Variants in TLE4 observed in about 807,000 individuals in gnomAD.
The protein encoded by TLE4 is TLE family member 4, transcriptional corepressor.
Under a neutral mutation model 92.8 loss-of-function variants are expected in TLE4, and 8 were observed. The ratio of observed to expected loss-of-function variants is 0.09; its 90% CI spans 0.05 to 0.16. The LOEUF (loss-of-function observed/expected upper bound fraction) is 0.16, where lower values mean the gene tolerates loss of function less well. Among genes scored for constraint, TLE4 ranks in the 10% least tolerant of loss-of-function variants. The pLI, the probability that TLE4 is intolerant of heterozygous loss-of-function variation, is 1.00. For synonymous variants in TLE4, 371 were observed against 374.1 expected (o/e 0.99, Z 0.10); for missense variants, 675 against 997.6 (o/e 0.68, Z 4.36).
intron 8 of TLE4, among the ~76,000 whole-genome samples, chr9:79,679,935 G>A (rs1203853386): frequency 6.6e-5 from 10 of 151,964 alleles, no homozygotes; most frequent in Non-Finnish European, 1.0e-4. Context: ...GTAGATATGC[G>A]GCATTATTTC....
rs934001445 is a variant in TLE4 at position 79,585,994 on chromosome 9, A to G, written c.252+9817A>G. ...ACAGAAGTAGAGCAATTTTCATAAA[A>G]CATGTAATATAAAAGTATATATAAC... On this transcript the variant is annotated intron_variant, in intron 4 of 19. Transcript: ENST00000376552. Among the ~76,000 whole-genome samples, 5 of 152,200 alleles carry G rather than the reference A, an allele frequency of 3.3e-5. No individual in the cohort carries two copies. The East Asian group carries it at 7.7e-4, about 23-fold the overall frequency.
chr9:79,606,184 GTTGTTTTTTTTTTTTTTTTTT>G (rs2046826926), intron 4 of TLE4, among the ~76,000 whole-genome samples: 1 of 18,374 alleles, frequency 5.4e-5, no homozygotes, highest in Non-Finnish European at 1.2e-4. Context: ...AGCAGTAGTA[GTTGTTTTTTTTTTTTTTTTTT>G]TTTTTTTTTT....
chr9:79,597,351 G>C (rs980747465), intron 4 of TLE4, among the ~76,000 whole-genome samples: 3 of 152,068 alleles, frequency 2.0e-5, no homozygotes, highest in Non-Finnish European at 4.4e-5. Flanking sequence ...ATTTTTTAGG[G>C]TCCCTTCTCT....
chr9:79,573,568 C>A, intron 1 of TLE4, 121 bp from the exon 2 acceptor site: 1 of 868,626 alleles, frequency 1.2e-6, no homozygotes, highest in Non-Finnish European at 1.6e-6. Context: ...GAGTTTTAAT[C>A]TCTCTTTGCT....
intron 4 of TLE4, among the ~76,000 whole-genome samples, chr9:79,592,275 CTTTTTTTT>C (rs1170642342): frequency 1.9e-5 from 2 of 106,934 alleles, no homozygotes; most frequent in South Asian, 5.8e-4. Context: ...TCTTCTTCTT[CTTTTTTTT>C]TTTTTTTTTG....
intron 4 of TLE4, among the ~76,000 whole-genome samples, chr9:79,584,979 A>G (rs532895825): frequency 6.6e-6 from 1 of 152,346 alleles, no homozygotes; most frequent in East Asian, 1.9e-4. Context: ...TACTATTAAT[A>G]GGTCTGTGTA....
intron 4 of TLE4, chr9:79,601,488 C>T (rs1176542246): frequency 1.3e-5 from 6 of 454,770 alleles, no homozygotes; most frequent in East Asian, 6.9e-5. Flanking sequence ...GTGCTCACTT[C>T]GTGTCTCTGT....
rs1021967227 is a variant in TLE4 at position 79,572,088 on chromosome 9, TAAAAA to T, written c.-697_-693del. The T allele has an allele frequency of 6.9e-6, 1 of 145,920 alleles. No individual in the cohort carries two copies. Among genetic ancestry groups the T allele is most frequent in the Non-Finnish European group, 1.5e-5 (1 of 66,180 alleles). The allele number at this position is 145,920 out of a possible 1,614,324, so 9.0% of individuals were successfully genotyped here. A position where few individuals can be genotyped will look rare whatever the true frequency, so the allele number is the denominator to read the frequency against. ...CGCAGAGTTTGAAAGGAGAGAGAAT[TAAAAA>T]AAAAAGCCGCAAGCGTTTCACTCTT... On this transcript the variant is annotated 5_prime_UTR_variant, in exon 1 of 20. Transcript: ENST00000376552.
At chr9:79,656,542 G>A (rs1445472053) in intron 8 of TLE4, among the ~76,000 whole-genome samples, 2 of 152,064 alleles carry the variant, frequency 1.3e-5, no homozygotes, top group Non-Finnish European at 2.9e-5. Context: ...AATTAATGGT[G>A]CCTGAAATTT....
At chr9:79,722,022 G>A in intron 17 of TLE4, 134 bp downstream of exon 17, 1 of 1,313,034 alleles carries the variant, frequency 7.6e-7, no homozygotes, top group Non-Finnish European at 1.0e-6. Flanking sequence ...AAAATTAGCT[G>A]GGCATGGTGG....
intron 8 of TLE4, among the ~76,000 whole-genome samples, chr9:79,699,143 C>G (rs76533046): frequency 1.3e-5 from 2 of 152,064 alleles, no homozygotes; most frequent in African/African-American, 4.8e-5. Context: ...TGAACATGAT[C>G]AACTCTTTGG....
intron 5 of TLE4, among the ~76,000 whole-genome samples, chr9:79,616,528 A>G (rs1405977407): frequency 1.3e-5 from 2 of 152,170 alleles, no homozygotes; most frequent in African/African-American, 4.8e-5. Context: ...TTTGGGAAGA[A>G]TGTGAATTGA....
intron 5 of TLE4, among the ~76,000 whole-genome samples, chr9:79,616,310 T>A (rs1444287090): frequency 6.6e-6 from 1 of 152,172 alleles, no homozygotes; most frequent in Non-Finnish European, 1.5e-5. Flanking sequence ...TAAGCCTCAG[T>A]TTCCTCATCT....
intron 6 of TLE4, among the ~76,000 whole-genome samples, chr9:79,650,622 A>G (rs2058794764): frequency 6.6e-6 from 1 of 152,160 alleles, no homozygotes; most frequent in South Asian, 2.1e-4. Flanking sequence ...ACAGTATGTA[A>G]AGAATTATGA....
chr9:79,624,554 A>G (rs558037121), intron 5 of TLE4, among the ~76,000 whole-genome samples: 16 of 152,332 alleles, frequency 1.1e-4, no homozygotes, highest in African/African-American at 2.9e-4. Context: ...GCCATCAAAA[A>G]GAAGAAGCTG....
chr9:79,635,567 G>T (rs1028714149), intron 6 of TLE4, among the ~76,000 whole-genome samples: 3 of 149,342 alleles, frequency 2.0e-5, no homozygotes, highest in South Asian at 2.1e-4. Flanking sequence ...TATGCATTAA[G>T]TTGAGGTTTT....
At chr9:79,608,742 C>T (rs116855556) in intron 4 of TLE4, among the ~76,000 whole-genome samples, 3,575 of 151,988 alleles carry the variant, frequency 0.024, 44 homozygotes, top group Non-Finnish European at 0.034. Flanking sequence ...TAATGTTGTT[C>T]CTATTTTGAT....
chr9:79,589,576 T>C (rs2042036417), intron 4 of TLE4, among the ~76,000 whole-genome samples: 1 of 152,090 alleles, frequency 6.6e-6, no homozygotes, highest in East Asian at 1.9e-4. Context: ...AGGTATTGGA[T>C]TGGCAGAAAT....
chr9:79,609,716 C>A, intron 4 of TLE4, among the ~76,000 whole-genome samples: 1 of 151,940 alleles, frequency 6.6e-6, no homozygotes, highest in East Asian at 1.9e-4. Context: ...TAGCAGTGTC[C>A]ATAAAGCATC....
Sources: gnomAD v4.1 joint callset for allele counts (sites outside exome capture counted in the v4.1 genomes callset) on GRCh38, gnomAD v4.1.1 for gene constraint, MANE v1.5 for transcripts, NCBI Gene and HGNC (gene_info 2026-07-23, HGNC 2026-07-21) for gene names.